The following LHX2 variants were observed in gnomAD, a reference collection of about 807,000 sequenced individuals.
LHX2 encodes LIM/homeobox protein Lhx2.
A neutral mutation model predicts 33.0 loss-of-function variants in LHX2; 6 were observed. That is an observed-to-expected ratio of 0.18 (90% CI 0.10 to 0.36). LHX2 has a LOEUF of 0.36. Ranked by LOEUF, LHX2 falls within the 10% of genes least tolerant of loss-of-function variation. The pLI is 1.00. For missense variants in LHX2, 442 were observed against 586.2 expected, an observed-to-expected ratio of 0.75 and a Z score of 2.54; for synonymous variants, 292 against 253.1, an observed-to-expected ratio of 1.15 and a Z score of -1.46.
At chr9:124,026,546 T>G (rs866335737) in intron 4 of LHX2, among the ~76,000 whole-genome samples, 3 of 152,260 alleles carry the variant, frequency 2.0e-5, no homozygotes, top group Middle Eastern at 6.8e-3. Context: ...GATAAACAAT[T>G]GACAAGGTGC....
chr9:124,025,565 A>G (rs1033569666), intron 4 of LHX2, among the ~76,000 whole-genome samples: 7 of 152,050 alleles, frequency 4.6e-5, no homozygotes, highest in Non-Finnish European at 1.0e-4. Flanking sequence ...GAAGCAGCAT[A>G]TTAAGATGCC....
Position 124,015,414 on chromosome 9 carries a change from G to T in LHX2, c.616G>T (p.Ala206Ser), listed in dbSNP as rs756617799. The T allele has an allele frequency of 7.5e-6, 12 of 1,603,320 alleles. No homozygotes were observed. The East Asian group carries it at 2.7e-4, about 36-fold the overall frequency. Residue 206 changes from alanine to serine, a missense_variant, in exon 3 of 5, where the codon GCC (alanine) becomes TCC (serine). Around this residue, in one of 5 missense-constraint regions of LHX2, gnomAD observed 132 missense variants for 139.1 expected, o/e 0.95. Transcript: ENST00000373615. This position sits in a 1 kb window ranked among gnomAD's most constrained non-coding sequence, Gnocchi z 7.9. Reference sequence around the variant, plus strand: ...GAGCGCGGGGCTGGGCGCAGCAGGGGCCAACCCTCTGGGTCTTCCCTACTA... The same window carrying T: ...GAGCGCGGGGCTGGGCGCAGCAGGGTCCAACCCTCTGGGTCTTCCCTACTA... The part of the protein sequence containing the change: ...AKSAGLGAAG[A>S]NPLGLPYYNG...
intron 3 of LHX2, 105 bp from the exon 4 acceptor site, chr9:124,020,994 G>T (rs1260031272): frequency 4.1e-6 from 4 of 972,102 alleles, no homozygotes; most frequent in Non-Finnish European, 4.7e-6. Flanking sequence ...CAGACATGCA[G>T]CAGGGTTAAG....
At chr9:124,027,885 C>T (rs12002224) in intron 4 of LHX2, among the ~76,000 whole-genome samples, 1,539 of 149,770 alleles carry the variant, frequency 0.01, 36 homozygotes, top group African/African-American at 0.035. Flanking sequence ...TATGAAGGTA[C>T]AATACCAGAA....
chr9:124,029,980 C>G (rs1157988936), intron 4 of LHX2, among the ~76,000 whole-genome samples: 1 of 152,196 alleles, frequency 6.6e-6, no homozygotes, highest in African/African-American at 2.4e-5. Context: ...CCCCCCACCC[C>G]AGGGAAAGCA....
At chr9:124,027,199 A>C (rs1377314167) in intron 4 of LHX2, among the ~76,000 whole-genome samples, 2 of 152,218 alleles carry the variant, frequency 1.3e-5, no homozygotes, top group South Asian at 4.1e-4. Context: ...AACTTCTTTA[A>C]AAGTTTACAA....
At chr9:124,029,682 C>T (rs771695701) in intron 4 of LHX2, among the ~76,000 whole-genome samples, 15 of 152,182 alleles carry the variant, frequency 9.9e-5, no homozygotes, top group South Asian at 2.1e-4. Context: ...CAAATGAGCA[C>T]CCGGCAAAGC....
rs968124826 is a variant in LHX2 at position 124,012,394 on chromosome 9, G to T, written c.46G>T (p.Asp16Tyr). The stretch of plus-strand genomic sequence containing the variant: ...GGGCCCCGAGGTGCACGGGGTCATC[G>T]ACGAGATGGACCGCAGGGCCAAGAG... ...LSGPEVHGVI[D>Y]EMDRRAKSEA... The change falls in exon 1 of 5, where the codon GAC becomes TAC. Residue 16 changes from aspartate (D) to tyrosine (Y), a missense_variant. Transcript: ENST00000373615. The surrounding 1 kb of genome is among the most constrained non-coding windows in gnomAD (Gnocchi z 4.3). 1.3e-6 allele frequency: 2 copies of T among 1,532,400 alleles called. No homozygotes were observed. The highest frequency in any genetic ancestry group is 1.7e-6 in the Non-Finnish European group (2 of 1,144,324). The allele number at this position is 1,532,400 out of a possible 1,614,324, so 94.9% of individuals were successfully genotyped here. A position where few individuals can be genotyped will look rare whatever the true frequency, so the allele number is the denominator to read the frequency against.
chr9:124,021,313 G>C lies in LHX2; in HGVS notation c.933+9G>C. On this transcript the variant is annotated intron_variant, in intron 4 of 4. Coordinates refer to ENST00000373615, the MANE Select transcript of LHX2 (RefSeq NM_004789.4). The stretch of plus-strand genomic sequence containing the variant: ...CCAAGCGGGTCCTCCAGGTCAGCCA[G>C]GGCCAGGGGTGAGGGCATCTGCGAC... 6.2e-7 allele frequency: 1 copy of C among 1,612,018 alleles called. No homozygotes were observed.
intron 3 of LHX2, 137 bp from the exon 4 acceptor site, chr9:124,020,962 A>T (rs186824121): frequency 1.4e-6 from 1 of 727,032 alleles, no homozygotes; most frequent in African/African-American, 1.7e-5. Flanking sequence ...AATGGGGATG[A>T]TGTCCCCCTT....
Position 124,032,488 on chromosome 9 carries a change from C to G in LHX2, c.1002C>G (p.Asp334Glu), listed in dbSNP as rs1564553864. The G allele has an allele frequency of 6.2e-7, 1 of 1,611,990 alleles. No homozygotes were observed. The highest frequency in any genetic ancestry group is 8.5e-7 in the Non-Finnish European group (1 of 1,179,872). The change falls in exon 5 of 5, where the codon GAC becomes GAG. Residue 334 changes from aspartate (D) to glutamate (E), a missense_variant. Physicochemically the swap from Asp to Glu is conservative, Grantham distance 45. Coordinates refer to ENST00000373615, the MANE Select transcript of LHX2 (RefSeq NM_004789.4). The surrounding 1 kb of genome is among the most constrained non-coding windows in gnomAD (Gnocchi z 4.1). ...TACGGCAGGAAAACACGGGCGTGGACAAGTCGACAGACGCGGCGCTGCAGA... is the reference window on the plus strand; with the variant it reads ...TACGGCAGGAAAACACGGGCGTGGAGAAGTCGACAGACGCGGCGCTGCAGA... ...NLLRQENTGV[D>E]KSTDAALQTG...
Position 124,012,143 on chromosome 9 carries a change from G to A in LHX2, c.-206G>A. ...CGCCCAGGCGCCCCGCAATGTAGCTGCCCCTGCGCCTCGGCGGGAGGCGTC... is the reference window on the plus strand; with the variant it reads ...CGCCCAGGCGCCCCGCAATGTAGCTACCCCTGCGCCTCGGCGGGAGGCGTC... On this transcript the variant is annotated 5_prime_UTR_variant, in exon 1 of 5. Transcript: ENST00000373615. This position sits in a 1 kb window ranked among gnomAD's most constrained non-coding sequence, Gnocchi z 4.3. 2 of 252,230 alleles carry A rather than the reference G, an allele frequency of 7.9e-6. No individual in the cohort carries two copies. The highest frequency in any genetic ancestry group is 1.4e-5 in the Non-Finnish European group (2 of 141,314). 15.6% of individuals were successfully genotyped at this position (252,230 alleles called of 1,614,324 possible). A position where few individuals can be genotyped will look rare whatever the true frequency, so the allele number is the denominator to read the frequency against.
chr9:124,032,268 A>C lies in LHX2; in HGVS notation c.934-152A>C, dbSNP rs893987566. 2 of 997,338 alleles carry C rather than the reference A, an allele frequency of 2.0e-6. No individual in the cohort carries two copies. The highest frequency in any genetic ancestry group is 2.8e-6 in the Non-Finnish European group (2 of 705,130). The allele number at this position is 997,338 out of a possible 1,614,324, so 61.8% of individuals were successfully genotyped here. A position where few individuals can be genotyped will look rare whatever the true frequency, so the allele number is the denominator to read the frequency against. The stretch of plus-strand genomic sequence containing the variant: ...AAACAAAAACAAAAACAAAAAAACC[A>C]AAAAAGCAAAATATTGCCAACCTGA... On this transcript the variant is annotated intron_variant, in intron 4 of 4. Transcript: ENST00000373615. The surrounding 1 kb of genome is among the most constrained non-coding windows in gnomAD (Gnocchi z 4.1).
chr9:124,016,375 C>G lies in LHX2; in HGVS notation c.727+850C>G, dbSNP rs1481160077. On this transcript the variant is annotated intron_variant, in intron 3 of 4. Transcript: ENST00000373615. The surrounding 1 kb of genome is among the most constrained non-coding windows in gnomAD (Gnocchi z 4.4). ...AGGTTCTGAGTTCCGGCAAATGAGC[C>G]GTCAACATCTGCCCGAAGTCTGCAA... 1.3e-5 allele frequency among the ~76,000 whole-genome samples: 2 copies of G among 152,170 alleles called. No individual in the cohort carries two copies. Among genetic ancestry groups the G allele is most frequent in the African/African-American group, 2.4e-5 (1 of 41,434 alleles).
chr9:124,023,743 C>T (rs1446153845), intron 4 of LHX2, among the ~76,000 whole-genome samples: 1 of 152,220 alleles, frequency 6.6e-6, no homozygotes, highest in Non-Finnish European at 1.5e-5. Context: ...ACCTCTTATT[C>T]TTTCATCTGA....
intron 4 of LHX2, among the ~76,000 whole-genome samples, chr9:124,023,712 A>G (rs1828557415): frequency 6.6e-6 from 1 of 152,184 alleles, no homozygotes; most frequent in Non-Finnish European, 1.5e-5. Context: ...CTTAGGAACA[A>G]ATCAGATTTC....
rs114052732 is a variant in LHX2, at chr9:124,024,562, G to A, written c.933+3258G>A. Among the ~76,000 whole-genome samples the A allele has an allele frequency of 4.7e-3, 721 of 152,324 alleles. 4 individuals carry two copies. The highest frequency in any genetic ancestry group is 0.017 in the African/African-American group (688 of 41,576). The stretch of plus-strand genomic sequence containing the variant: ...CCTGATGCCTTATCTATGAAATGGG[G>A]ATGAGAAGGATACCTTACTGGTGGT... On this transcript the variant is annotated intron_variant, in intron 4 of 4. Coordinates refer to ENST00000373615, the MANE Select transcript of LHX2 (RefSeq NM_004789.4).
At position 124,015,475 on chromosome 9, in the gene LHX2, G is replaced by T; in HGVS notation, c.677G>T (p.Arg226Met). The T allele has an allele frequency of 6.7e-7, 1 of 1,499,676 alleles. No individual in the cohort carries two copies. The highest frequency in any genetic ancestry group is 8.9e-7 in the Non-Finnish European group (1 of 1,125,832). 92.9% of individuals were successfully genotyped at this position (1,499,676 alleles called of 1,614,324 possible). The part of the protein sequence containing the change: ...GVGTVQKGRP[R>M]KRKSPGPGAD... Reference sequence around the variant, plus strand: ...GGCACTGTGCAGAAGGGGCGGCCGAGGAAACGTAAGAGCCCGGGCCCCGGT... The same window carrying T: ...GGCACTGTGCAGAAGGGGCGGCCGATGAAACGTAAGAGCCCGGGCCCCGGT... Residue 226 changes from arginine to methionine, a missense_variant, in exon 3 of 5, where the codon AGG becomes ATG. Arg to Met is a moderately conservative substitution (Grantham distance 91, BLOSUM62 -1). Around this residue, in one of 5 missense-constraint regions of LHX2, gnomAD observed 132 missense variants for 139.1 expected, o/e 0.95. Coordinates refer to ENST00000373615, the MANE Select transcript of LHX2 (RefSeq NM_004789.4). This position sits in a 1 kb window ranked among gnomAD's most constrained non-coding sequence, Gnocchi z 7.9.
At chr9:124,020,393 C>G (rs569374411) in intron 3 of LHX2, among the ~76,000 whole-genome samples, 1 of 152,264 alleles carries the variant, frequency 6.6e-6, no homozygotes, top group South Asian at 2.1e-4. Flanking sequence ...TACAGGGTAG[C>G]GATGAGGATT....
Sources: gnomAD v4.1 joint callset for allele counts (sites outside exome capture counted in the v4.1 genomes callset) on GRCh38, gnomAD v4.1.1 for gene constraint, gnomAD v4.1.1 regional missense constraint, Gnocchi (gnomAD v3.1) non-coding constraint, MANE v1.5 for transcripts, NCBI Gene and HGNC (gene_info 2026-07-23, HGNC 2026-07-21) for gene names.